Variants in DNAJC15 observed in about 807,000 individuals in gnomAD.
DNAJC15 encodes dnaJ homolog subfamily C member 15.
Under a neutral mutation model 22.4 loss-of-function variants are expected in DNAJC15, and 27 were observed. The ratio of observed to expected loss-of-function variants is 1.20; its 90% CI spans 0.89 to 1.66. DNAJC15 has a LOEUF of 1.66. Among genes scored for constraint, DNAJC15 ranks in the 40% most tolerant of loss-of-function variants. DNAJC15 has a pLI of 0.00. For synonymous variants in DNAJC15, 79 were observed against 63.2 expected (o/e 1.25, Z -1.19); for missense variants, 208 against 187.1 (o/e 1.11, Z -0.65).
intron 5 of DNAJC15, among the ~76,000 whole-genome samples, chr13:43,087,943 C>T (rs1214126313): frequency 1.3e-5 from 2 of 152,146 alleles, no homozygotes; most frequent in Non-Finnish European, 2.9e-5. Flanking sequence ...AAAAACATTT[C>T]GTGTCCTTGA....
Position 43,085,748 on chromosome 13 carries a change from A to C in DNAJC15, c.312-20A>C. On this transcript the variant is annotated intron_variant, in intron 4 of 5. Transcript: ENST00000379221. ...GCATTTGATGCTATTTATTATAAGCACTGTAATTTCTTTTTACAGCCCATC... is the reference window on the plus strand; with the variant it reads ...GCATTTGATGCTATTTATTATAAGCCCTGTAATTTCTTTTTACAGCCCATC... 6.2e-7 allele frequency: 1 copy of C among 1,601,002 alleles called. No individual in the cohort carries two copies. The highest frequency in any genetic ancestry group is 1.7e-4 in the Middle Eastern group (1 of 6,020).
intron 1 of DNAJC15, among the ~76,000 whole-genome samples, chr13:43,037,145 G>A (rs1264868871): frequency 7.2e-5 from 11 of 152,242 alleles, no homozygotes; most frequent in Admixed American, 6.5e-4. Context: ...TGTGGGGGCC[G>A]CTCCAGACGG....
chr13:43,108,458 T>A lies in DNAJC15; in HGVS notation c.*1210T>A, dbSNP rs1217609665. 6.6e-6 allele frequency: 1 copy of A among 152,196 alleles called. No individual in the cohort carries two copies. Among genetic ancestry groups the A allele is most frequent in the Admixed American group, 6.5e-5 (1 of 15,280 alleles). 9.4% of individuals were successfully genotyped at this position (152,196 alleles called of 1,614,324 possible). A position where few individuals can be genotyped will look rare whatever the true frequency, so the allele number is the denominator to read the frequency against. On this transcript the variant is annotated 3_prime_UTR_variant, in exon 6 of 6. Coordinates refer to ENST00000379221, the MANE Select transcript of DNAJC15 (RefSeq NM_013238.3). The stretch of plus-strand genomic sequence containing the variant: ...AACAGATTCAGATAGAGTGCCAGCA[T>A]TGTTTCCCAGTATTCCTTTACAAAT...
chr13:43,091,209 C>T (rs1047171736), intron 5 of DNAJC15, among the ~76,000 whole-genome samples: 1 of 151,942 alleles, frequency 6.6e-6, no homozygotes, highest in South Asian at 2.1e-4. Flanking sequence ...CTCAGCCTCC[C>T]GAGTAGCTGG....
intron 1 of DNAJC15, among the ~76,000 whole-genome samples, chr13:43,034,091 A>G (rs1049265748): frequency 6.6e-6 from 1 of 151,590 alleles, no homozygotes; most frequent in Non-Finnish European, 1.5e-5. Flanking sequence ...TGTACATACT[A>G]TAAACATGTT....
intron 1 of DNAJC15, among the ~76,000 whole-genome samples, chr13:43,042,156 A>G (rs1261661689): frequency 1.3e-5 from 2 of 152,162 alleles, no homozygotes; most frequent in East Asian, 3.8e-4. Context: ...TTGTTTTCCT[A>G]TAGTACTGGT....
intron 2 of DNAJC15, among the ~76,000 whole-genome samples, chr13:43,066,411 CTCTG>C (rs2040584262): frequency 6.6e-6 from 1 of 152,098 alleles, no homozygotes; most frequent in Non-Finnish European, 1.5e-5. Flanking sequence ...ATCTTCCAAC[CTCTG>C]TCTGACTGTC....
intron 5 of DNAJC15, among the ~76,000 whole-genome samples, chr13:43,089,625 A>C (rs2040705008): frequency 1.3e-5 from 2 of 152,210 alleles, no homozygotes; most frequent in Non-Finnish European, 2.9e-5. Flanking sequence ...ATAGCATGAG[A>C]TAAAGTGGTA....
intron 1 of DNAJC15, among the ~76,000 whole-genome samples, chr13:43,046,475 C>T (rs2040477686): frequency 6.6e-6 from 1 of 151,942 alleles, no homozygotes; most frequent in South Asian, 2.1e-4. Flanking sequence ...ACCGCACCTA[C>T]CTTTAAACAC....
At chr13:43,057,706 G>T (rs1426695569) in intron 1 of DNAJC15, among the ~76,000 whole-genome samples, 1 of 152,132 alleles carries the variant, frequency 6.6e-6, no homozygotes, top group Admixed American at 6.5e-5. Context: ...TGTTTTTCTG[G>T]TTCTTTCTCG....
chr13:43,062,982 G>A (rs1358177647), intron 1 of DNAJC15, among the ~76,000 whole-genome samples: 2 of 151,670 alleles, frequency 1.3e-5, no homozygotes, highest in African/African-American at 4.9e-5. Flanking sequence ...GCTTCCCAAA[G>A]TGCTGGGATT....
intron 1 of DNAJC15, among the ~76,000 whole-genome samples, chr13:43,042,231 G>A (rs983839260): frequency 7.9e-5 from 12 of 152,012 alleles, no homozygotes; most frequent in Non-Finnish European, 1.6e-4. Context: ...TTATAAATTA[G>A]GTACAGTAAG....
chr13:43,087,118 A>G lies in DNAJC15; in HGVS notation c.382+1280A>G, dbSNP rs1235791306. Among the ~76,000 whole-genome samples the G allele has an allele frequency of 2.0e-5, 3 of 152,232 alleles. No individual in the cohort carries two copies. The East Asian group carries it at 5.8e-4, about 29-fold the overall frequency. The stretch of plus-strand genomic sequence containing the variant: ...CCTTTTATGCCTATTCAATTAATGT[A>G]GAGGCTGTACCCTATGTTTCTGTTC... On this transcript the variant is annotated intron_variant, in intron 5 of 5. Transcript: ENST00000379221.
intron 3 of DNAJC15, 97 bp downstream of exon 3, chr13:43,069,100 T>A (rs1280694859): frequency 1.3e-5 from 16 of 1,207,264 alleles, no homozygotes; most frequent in Non-Finnish European, 1.8e-5. Context: ...TTTTCCAATG[T>A]TTGTAGAAGT....
At chr13:43,064,206 C>T (rs558549922) in intron 1 of DNAJC15, among the ~76,000 whole-genome samples, 8 of 152,296 alleles carry the variant, frequency 5.3e-5, no homozygotes, top group African/African-American at 1.7e-4. Flanking sequence ...TCTTGTCCTC[C>T]GGCTCTAGAT....
chr13:43,029,302 T>C (rs914852949), intron 1 of DNAJC15, among the ~76,000 whole-genome samples: 7 of 152,234 alleles, frequency 4.6e-5, no homozygotes, highest in South Asian at 2.1e-4. Context: ...CTTTCCTCTC[T>C]CCATCACAAC....
At chr13:43,063,520 A>G (rs553050965) in intron 1 of DNAJC15, among the ~76,000 whole-genome samples, 3 of 152,330 alleles carry the variant, frequency 2.0e-5, no homozygotes, top group East Asian at 1.9e-4. Context: ...TAATATTTCT[A>G]TACCATTCTG....
chr13:43,034,582 TA>T (rs1241838813), intron 1 of DNAJC15, among the ~76,000 whole-genome samples: 1 of 151,680 alleles, frequency 6.6e-6, no homozygotes, highest in African/African-American at 2.4e-5. Flanking sequence ...CCCAAAGTGC[TA>T]GGATTACAGG....
At position 43,110,385 on chromosome 13, in the gene DNAJC15, C is replaced by G. The variant is rs562368970; in HGVS notation, c.*3137C>G. The G allele has an allele frequency of 6.6e-6, 1 of 152,112 alleles. No homozygotes were observed. Among genetic ancestry groups the G allele is most frequent in the East Asian group, 1.9e-4 (1 of 5,196 alleles). 9.4% of individuals were successfully genotyped at this position (152,112 alleles called of 1,614,324 possible). A position where few individuals can be genotyped will look rare whatever the true frequency, so the allele number is the denominator to read the frequency against. Reference sequence around the variant, plus strand: ...GGCCTAAGAATTACAGAGCCTGCCTCGATTCAAAGGGAGAGGATAGAGAGG... The same window carrying G: ...GGCCTAAGAATTACAGAGCCTGCCTGGATTCAAAGGGAGAGGATAGAGAGG... On this transcript the variant is annotated 3_prime_UTR_variant, in exon 6 of 6. Transcript: ENST00000379221.
Sources: gnomAD v4.1 joint callset for allele counts (sites outside exome capture counted in the v4.1 genomes callset) on GRCh38, gnomAD v4.1.1 for gene constraint, MANE v1.5 for transcripts, NCBI Gene and HGNC (gene_info 2026-07-23, HGNC 2026-07-21) for gene names.